Variants in MLLT10 observed in about 807,000 individuals in gnomAD.
MLLT10 encodes the protein protein AF-10.
In MLLT10, 30 loss-of-function variants were observed where a neutral mutation model predicts 129.1. The ratio of observed to expected loss-of-function variants is 0.23; its 90% CI spans 0.17 to 0.32. The LOEUF (loss-of-function observed/expected upper bound fraction) is 0.32, where lower values mean the gene tolerates loss of function less well. Ranked by LOEUF, MLLT10 falls within the 10% of genes least tolerant of loss-of-function variation. The pLI, the probability that MLLT10 is intolerant of heterozygous loss-of-function variation, is 1.00. For missense variants in MLLT10, 1,119 were observed against 1,268.3 expected, an observed-to-expected ratio of 0.88 and a Z score of 1.79; for synonymous variants, 490 against 446.4, an observed-to-expected ratio of 1.10 and a Z score of -1.23.
chr10:21,624,219 G>A lies in MLLT10; in HGVS notation c.699+7012G>A, dbSNP rs142161589. On this transcript the variant is annotated intron_variant, in intron 8 of 22. Coordinates refer to ENST00000307729, the MANE Select transcript of MLLT10 (RefSeq NM_001195626.3). ...GCACTAGCTTGTATTTTTATTTACA[G>A]CATACTCCATACTCCTATGTAATCT... Among the ~76,000 whole-genome samples the A allele has an allele frequency of 4.8e-3, 733 of 152,126 alleles. 2 individuals are homozygous for A. Among genetic ancestry groups the A allele is most frequent in the Non-Finnish European group, 7.0e-3 (477 of 68,000 alleles).
At chr10:21,731,698 A>C (rs1276517324) in intron 17 of MLLT10, among the ~76,000 whole-genome samples, 2 of 152,222 alleles carry the variant, frequency 1.3e-5, no homozygotes, top group Non-Finnish European at 2.9e-5. Context: ...ATTATAGAGC[A>C]TGTACTATAT....
Position 21,550,833 on chromosome 10 carries a change from T to C in MLLT10, c.240+11921T>C, listed in dbSNP as rs11498365. ...AGACGTGAGCTATGGCGTCCGGCCT[T>C]ATTTAGCTTTAAAGTTCTTTTTTAT... On this transcript the variant is annotated intron_variant, in intron 3 of 22. Coordinates refer to ENST00000307729, the MANE Select transcript of MLLT10 (RefSeq NM_001195626.3). 3.0e-3 allele frequency among the ~76,000 whole-genome samples: 461 copies of C among 152,076 alleles called. 1 individual carries two copies. Among genetic ancestry groups the C allele is most frequent in the African/African-American group, 0.011 (448 of 41,500 alleles).
intron 14 of MLLT10, among the ~76,000 whole-genome samples, chr10:21,724,067 C>CG (rs1188685291): frequency 6.6e-6 from 1 of 152,138 alleles, no homozygotes; most frequent in Admixed American, 6.5e-5. Context: ...GTGAACAGCA[C>CG]GATCTTCATG....
intron 8 of MLLT10, 47 bp downstream of exon 8, chr10:21,617,254 G>T (rs749527118): frequency 6.1e-6 from 7 of 1,139,540 alleles, no homozygotes; most frequent in Non-Finnish European, 6.0e-6. Context: ...CTACTTAATA[G>T]AATTTTTTTT....
At chr10:21,620,678 A>G (rs779294765) in intron 8 of MLLT10, among the ~76,000 whole-genome samples, 6 of 151,722 alleles carry the variant, frequency 4.0e-5, no homozygotes, top group Non-Finnish European at 7.4e-5. Flanking sequence ...TAAATTTACA[A>G]TTTTAAAATT....
At chr10:21,677,840 T>C (rs1437095123) in intron 11 of MLLT10, among the ~76,000 whole-genome samples, 4 of 152,244 alleles carry the variant, frequency 2.6e-5, no homozygotes, top group African/African-American at 9.6e-5. Flanking sequence ...TAAGCACCTG[T>C]TGTTTAAACT....
chr10:21,696,854 G>A (rs982446631), intron 13 of MLLT10, among the ~76,000 whole-genome samples: 20 of 152,000 alleles, frequency 1.3e-4, no homozygotes, highest in Non-Finnish European at 2.5e-4. Context: ...CTTTCAGGGC[G>A]TCGTCCACAC....
At chr10:21,618,793 C>T (rs777465523) in intron 8 of MLLT10, among the ~76,000 whole-genome samples, 2 of 151,726 alleles carry the variant, frequency 1.3e-5, no homozygotes, top group Non-Finnish European at 2.9e-5. Context: ...AGTGCAGTGG[C>T]GTGATCTCGT....
chr10:21,682,515 CT>C (rs2052846834), intron 13 of MLLT10, among the ~76,000 whole-genome samples: 2 of 152,246 alleles, frequency 1.3e-5, no homozygotes, highest in South Asian at 4.1e-4. Flanking sequence ...TTCTGAAAGT[CT>C]TTTTATTTTT....
intron 10 of MLLT10, 49 bp from the exon 11 acceptor site, chr10:21,673,301 T>TCAC: frequency 4.2e-6 from 1 of 237,942 alleles, no homozygotes; most frequent in Non-Finnish European, 6.5e-6. Context: ...AATTTTTCTG[T>TCAC]CCCCCCCACC....
intron 8 of MLLT10, among the ~76,000 whole-genome samples, chr10:21,620,152 A>C (rs1435047678): frequency 6.6e-6 from 1 of 151,124 alleles, no homozygotes; most frequent in Non-Finnish European, 1.5e-5. Flanking sequence ...CTGGTCTCGA[A>C]CTCCTGACCT....
chr10:21,631,459 TTC>T (rs1295163854), intron 8 of MLLT10, among the ~76,000 whole-genome samples: 2 of 151,954 alleles, frequency 1.3e-5, no homozygotes, highest in African/African-American at 4.8e-5. Flanking sequence ...AAATACATCT[TTC>T]TGCCTTTACT....
chr10:21,679,330 A>T (rs1277986466), intron 11 of MLLT10, among the ~76,000 whole-genome samples: 1 of 152,222 alleles, frequency 6.6e-6, no homozygotes, highest in Admixed American at 6.5e-5. Flanking sequence ...AACATCAAAA[A>T]CAGTTTTGGA....
intron 2 of MLLT10, among the ~76,000 whole-genome samples, chr10:21,536,080 T>C (rs1356315754): frequency 6.6e-6 from 1 of 152,176 alleles, no homozygotes; most frequent in Non-Finnish European, 1.5e-5. Flanking sequence ...GTAGCTGGGA[T>C]AACAAGCACA....
At chr10:21,725,502 T>G (rs1489971327) in intron 14 of MLLT10, among the ~76,000 whole-genome samples, 1 of 152,058 alleles carries the variant, frequency 6.6e-6, no homozygotes, top group Non-Finnish European at 1.5e-5. Context: ...GTGGATCACC[T>G]GAGGTCAGGA....
intron 8 of MLLT10, among the ~76,000 whole-genome samples, chr10:21,623,536 T>C (rs1045265023): frequency 1.2e-4 from 19 of 152,180 alleles, no homozygotes; most frequent in Non-Finnish European, 2.4e-4. Flanking sequence ...AGAGATCAAA[T>C]ATACACACAA....
intron 5 of MLLT10, among the ~76,000 whole-genome samples, chr10:21,599,460 T>G (rs754372674): frequency 2.1e-4 from 32 of 152,326 alleles, no homozygotes; most frequent in Middle Eastern, 3.4e-3. Flanking sequence ...CATATGCTCA[T>G]GGTAACTTCT....
intron 4 of MLLT10, among the ~76,000 whole-genome samples, chr10:21,588,395 G>A (rs1485724094): frequency 6.6e-6 from 1 of 151,932 alleles, no homozygotes; most frequent in Non-Finnish European, 1.5e-5. Flanking sequence ...TCAGTATAGA[G>A]CTTTTTTTTC....
At chr10:21,619,394 T>C (rs557417619) in intron 8 of MLLT10, among the ~76,000 whole-genome samples, 128 of 152,316 alleles carry the variant, frequency 8.4e-4, no homozygotes, top group African/African-American at 3.0e-3. Context: ...TGATCGTATT[T>C]ATTTTAAGAT....
Sources: allele counts gnomAD v4.1 joint callset (sites outside exome capture counted in the v4.1 genomes callset), GRCh38; gene constraint gnomAD v4.1.1; transcripts MANE v1.5; gene names NCBI Gene and HGNC (gene_info 2026-07-23, HGNC 2026-07-21).